PTPRN2: variants seen among roughly 807,000 people sequenced by gnomAD.
PTPRN2 encodes protein tyrosine phosphatase receptor type N2.
In PTPRN2, 74 loss-of-function variants were observed where a neutral mutation model predicts 118.8. The ratio of observed to expected loss-of-function variants is 0.62; its 90% CI spans 0.52 to 0.76. PTPRN2 has a LOEUF of 0.76. Ranked by LOEUF, PTPRN2 falls within the 30% of genes least tolerant of loss-of-function variation. The pLI, the probability that PTPRN2 is intolerant of heterozygous loss-of-function variation, is 0.00. For missense variants in PTPRN2, 1,481 were observed against 1,394.4 expected, an observed-to-expected ratio of 1.06 and a Z score of -0.99; for synonymous variants, 641 against 608.0, an observed-to-expected ratio of 1.05 and a Z score of -0.80.
chr7:158,473,512 G>A (rs373633772), intron 2 of PTPRN2, among the ~76,000 whole-genome samples: 35 of 152,252 alleles, frequency 2.3e-4, no homozygotes, highest in Non-Finnish European at 4.1e-4. Flanking sequence ...GTGCCGGCTC[G>A]CCTCTCCCTC....
At chr7:157,649,040 T>G (rs1326951920) in intron 14 of PTPRN2, among the ~76,000 whole-genome samples, 7 of 138,480 alleles carry the variant, frequency 5.1e-5, no homozygotes, top group Non-Finnish European at 6.2e-5. Flanking sequence ...ACTCGGTGGG[T>G]TGGACCCATC....
chr7:157,725,363 GTGGCCAGACCCT>G (rs1799499249), intron 12 of PTPRN2, among the ~76,000 whole-genome samples: 1 of 18,080 alleles, frequency 5.5e-5, no homozygotes, highest in African/African-American at 3.2e-4. Flanking sequence ...ACAGAGGAGT[GTGGCCAGACCCT>G]CGCCTCCCAG....
At chr7:158,581,178 G>C (rs1828606663) in intron 1 of PTPRN2, among the ~76,000 whole-genome samples, 1 of 152,180 alleles carries the variant, frequency 6.6e-6, no homozygotes, top group Non-Finnish European at 1.5e-5. Context: ...TGACCACTGG[G>C]AGAGAAAGGA....
intron 6 of PTPRN2, among the ~76,000 whole-genome samples, chr7:158,157,816 C>T (rs564770670): frequency 2.4e-3 from 370 of 152,350 alleles, no homozygotes; most frequent in African/African-American, 8.2e-3. Flanking sequence ...GCTGCTGACT[C>T]CACGGTGTGC....
intron 11 of PTPRN2, among the ~76,000 whole-genome samples, chr7:157,998,231 C>A (rs1211778170): frequency 6.6e-6 from 1 of 152,082 alleles, no homozygotes; most frequent in African/African-American, 2.4e-5. Context: ...AGCCTCAGAG[C>A]TCTACTTTTA....
intron 11 of PTPRN2, among the ~76,000 whole-genome samples, chr7:157,933,874 C>A (rs544867127): frequency 1.3e-5 from 2 of 150,074 alleles, no homozygotes; most frequent in Non-Finnish European, 3.0e-5. Flanking sequence ...CTCTGATTGA[C>A]AGTTTTAGTG....
chr7:157,551,632 A>G (rs1798614498), intron 21 of PTPRN2, among the ~76,000 whole-genome samples: 1 of 140,928 alleles, frequency 7.1e-6, no homozygotes. Context: ...CACAGCCACC[A>G]CGCACCCCAC....
At chr7:158,377,884 C>T (rs559804835) in intron 2 of PTPRN2, among the ~76,000 whole-genome samples, 18 of 152,242 alleles carry the variant, frequency 1.2e-4, no homozygotes, top group East Asian at 3.9e-4. Flanking sequence ...GCACAGGGCC[C>T]GTGGCTACAA....
chr7:157,966,829 C>T (rs1475915193), intron 11 of PTPRN2, among the ~76,000 whole-genome samples: 1 of 152,122 alleles, frequency 6.6e-6, no homozygotes, highest in Non-Finnish European at 1.5e-5. Context: ...TCACCATCAC[C>T]ATTATCACCA....
chr7:158,272,140 G>T (rs1379905665), intron 3 of PTPRN2, among the ~76,000 whole-genome samples: 1 of 152,190 alleles, frequency 6.6e-6, no homozygotes. Context: ...AGGTGACTAT[G>T]CACACTTCGT....
intron 12 of PTPRN2, among the ~76,000 whole-genome samples, chr7:157,853,795 A>C (rs531811983): frequency 6.6e-6 from 1 of 152,186 alleles, no homozygotes; most frequent in African/African-American, 2.4e-5. Flanking sequence ...CCCTAAGCCC[A>C]GTACCTGTGG....
chr7:158,538,017 A>G (rs539744971), intron 1 of PTPRN2, among the ~76,000 whole-genome samples: 51 of 152,246 alleles, frequency 3.3e-4, no homozygotes, highest in African/African-American at 1.2e-3. Context: ...ACTTTTTTTC[A>G]TTACTCATTT....
At chr7:158,284,835 T>G (rs944552708) in intron 3 of PTPRN2, among the ~76,000 whole-genome samples, 1 of 152,260 alleles carries the variant, frequency 6.6e-6, no homozygotes, top group African/African-American at 2.4e-5. Flanking sequence ...ATCTACCACA[T>G]GCTGCCTGAG....
At chr7:158,523,328 T>C (rs1482549138) in intron 1 of PTPRN2, among the ~76,000 whole-genome samples, 1 of 145,586 alleles carries the variant, frequency 6.9e-6, no homozygotes, top group African/African-American at 2.5e-5. Flanking sequence ...GCAGCCACCA[T>C]GCTGCCGACA....
At chr7:158,130,044 C>A (rs748525673) in intron 9 of PTPRN2, among the ~76,000 whole-genome samples, 25 of 152,206 alleles carry the variant, frequency 1.6e-4, no homozygotes, top group Non-Finnish European at 2.9e-4. Context: ...AAGATAATCA[C>A]CTACAGCTGA....
At chr7:158,514,106 T>C (rs989962035) in intron 1 of PTPRN2, among the ~76,000 whole-genome samples, 1 of 152,140 alleles carries the variant, frequency 6.6e-6, no homozygotes, top group Non-Finnish European at 1.5e-5. Context: ...CAACCCTCAA[T>C]CAGTAACAGC....
intron 5 of PTPRN2, among the ~76,000 whole-genome samples, chr7:158,188,248 GGGGAAGGCCGCCACGCTCGCCCCCTGTAT>G (rs1825386543): frequency 2.9e-5 from 2 of 68,670 alleles, no homozygotes; most frequent in Non-Finnish European, 6.0e-5. Context: ...GCCCCGCGAT[GGGGAAGGCCGCCACGCTCGCCCCCTGTAT>G]GGGGAAGGCC....
chr7:158,530,638 T>G (rs1825149642), intron 1 of PTPRN2, among the ~76,000 whole-genome samples: 1 of 152,186 alleles, frequency 6.6e-6, no homozygotes, highest in Non-Finnish European at 1.5e-5. Context: ...CACCCATGTG[T>G]GCATATATGT....
In PTPRN2 at chr7:158,072,039, TCGTGGTGGTGGAGGTTCC is replaced by T. The variant is rs1185955146; in HGVS notation, c.1723+9241_1723+9258del. On this transcript the variant is annotated intron_variant, in intron 11 of 22. Coordinates refer to ENST00000389418, the MANE Select transcript of PTPRN2 (RefSeq NM_002847.5). ...ATGGAGGTGCTCATGGTGGAGGTGC[TCGTGGTGGTGGAGGTTCC>T]CGTGGTGGTGGAGGTGCTCGTGGTG... Among the ~76,000 whole-genome samples the T allele has an allele frequency of 2.7e-3, 370 of 138,276 alleles. 2 individuals carry two copies. Among genetic ancestry groups the T allele is most frequent in the Non-Finnish European group, 4.1e-3 (265 of 64,344 alleles). 90.7% of individuals were successfully genotyped at this position (138,276 alleles called of 152,430 possible). A position where few individuals can be genotyped will look rare whatever the true frequency, so the allele number is the denominator to read the frequency against.
Sources: gnomAD v4.1 joint callset for allele counts (sites outside exome capture counted in the v4.1 genomes callset) on GRCh38, gnomAD v4.1.1 for gene constraint, MANE v1.5 for transcripts, NCBI Gene and HGNC (gene_info 2026-07-23, HGNC 2026-07-21) for gene names.